ZNF704: variants seen among roughly 807,000 people sequenced by gnomAD.
The protein encoded by ZNF704 is glucocorticoid induced gene 1.
ZNF704 carries 10 observed loss-of-function variants against 44.7 expected under a neutral mutation model. The observed-to-expected ratio is 0.22, with a 90% CI of 0.14 to 0.38. The LOEUF is 0.38. ZNF704 is among the 10% of genes least tolerant of loss of function. The probability of loss-of-function intolerance (pLI) is 1.00; values close to 1 mark genes in which losing one functional copy is unlikely to be tolerated. For synonymous variants in ZNF704, 211 were observed against 207.6 expected, an observed-to-expected ratio of 1.02 and a Z score of -0.14; for missense variants, 390 against 545.5, an observed-to-expected ratio of 0.71 and a Z score of 2.84.
At chr8:80,706,066 C>T (rs1437195053) in intron 2 of ZNF704, among the ~76,000 whole-genome samples, 2 of 152,192 alleles carry the variant, frequency 1.3e-5, no homozygotes, top group Non-Finnish European at 2.9e-5. Context: ...TGCAGGTTAA[C>T]GATCCGCCTG....
intron 4 of ZNF704, among the ~76,000 whole-genome samples, chr8:80,685,461 A>G (rs185176089): frequency 5.3e-5 from 8 of 152,142 alleles, no homozygotes; most frequent in Admixed American, 2.6e-4. Flanking sequence ...CACTCAGAAA[A>G]CCCCAGGGAG....
chr8:80,802,959 CT>C (rs763057565), intron 2 of ZNF704, among the ~76,000 whole-genome samples: 12 of 152,142 alleles, frequency 7.9e-5, no homozygotes, highest in Non-Finnish European at 1.6e-4. Context: ...AGCCCAAAAG[CT>C]TCTCAAGCCA....
At chr8:80,712,356 G>T (rs1277782934) in intron 2 of ZNF704, among the ~76,000 whole-genome samples, 1 of 152,082 alleles carries the variant, frequency 6.6e-6, no homozygotes. Context: ...AAATACCCAG[G>T]TATTCTGTTA....
At chr8:80,789,356 A>G (rs910925246) in intron 2 of ZNF704, among the ~76,000 whole-genome samples, 3 of 152,200 alleles carry the variant, frequency 2.0e-5, no homozygotes, top group African/African-American at 7.2e-5. Flanking sequence ...ACATTGATAT[A>G]TCAGCAAAGA....
chr8:80,869,501 C>T (rs780899202), intron 1 of ZNF704, among the ~76,000 whole-genome samples: 39 of 152,324 alleles, frequency 2.6e-4, no homozygotes, highest in Middle Eastern at 3.4e-3. Flanking sequence ...CACATCTGGA[C>T]TCATATTCTC....
At chr8:80,645,207 G>A (rs1563502417) in intron 7 of ZNF704, 20 of 1,560,946 alleles carry the variant, frequency 1.3e-5, no homozygotes, top group South Asian at 3.5e-5. Flanking sequence ...GCCCCGCGCC[G>A]CCAACCTCCC....
intron 1 of ZNF704, among the ~76,000 whole-genome samples, chr8:80,825,750 C>T (rs1808360232): frequency 6.6e-6 from 1 of 152,140 alleles, no homozygotes; most frequent in African/African-American, 2.4e-5. Flanking sequence ...TGCAATCAAA[C>T]TAGAACTCAG....
chr8:80,656,570 T>G (rs921314290), intron 7 of ZNF704, among the ~76,000 whole-genome samples: 1 of 152,220 alleles, frequency 6.6e-6, no homozygotes, highest in Non-Finnish European at 1.5e-5. Context: ...CAGTTACATT[T>G]GTTAAATATG....
chr8:80,649,705 C>A (rs1817885529), intron 7 of ZNF704, among the ~76,000 whole-genome samples: 1 of 152,238 alleles, frequency 6.6e-6, no homozygotes, highest in South Asian at 2.1e-4. Context: ...CTCAAGGAGG[C>A]CTGCCTGCCT....
chr8:80,663,497 A>C (rs544434183), intron 6 of ZNF704, among the ~76,000 whole-genome samples: 1 of 152,250 alleles, frequency 6.6e-6, no homozygotes, highest in East Asian at 1.9e-4. Flanking sequence ...GGGCCTGTTA[A>C]AACAGAATGC....
chr8:80,730,960 T>C (rs112379021), intron 2 of ZNF704, among the ~76,000 whole-genome samples: 1 of 152,184 alleles, frequency 6.6e-6, no homozygotes, highest in East Asian at 1.9e-4. Flanking sequence ...TTATTTCAAA[T>C]TTATATTTGA....
chr8:80,744,246 T>C (rs953392622), intron 2 of ZNF704, among the ~76,000 whole-genome samples: 1 of 152,202 alleles, frequency 6.6e-6, no homozygotes, highest in African/African-American at 2.4e-5. Flanking sequence ...AAAATGTGGC[T>C]ACTGGAAAAC....
At chr8:80,737,769 C>T (rs948897347) in intron 2 of ZNF704, among the ~76,000 whole-genome samples, 1 of 152,094 alleles carries the variant, frequency 6.6e-6, no homozygotes, top group African/African-American at 2.4e-5. Context: ...ATACCCTTAA[C>T]ATGGTTTCAT....
intron 4 of ZNF704, among the ~76,000 whole-genome samples, chr8:80,674,282 T>C (rs1563514307): frequency 6.6e-6 from 1 of 152,192 alleles, no homozygotes; most frequent in Non-Finnish European, 1.5e-5. Context: ...TTCTGCAGAA[T>C]TCAAAATACT....
chr8:80,706,352 T>A (rs112291837), intron 2 of ZNF704, among the ~76,000 whole-genome samples: 1 of 148,994 alleles, frequency 6.7e-6, no homozygotes, highest in Admixed American at 6.7e-5. Flanking sequence ...TTTTCCCTAG[T>A]TTTTTTTTTA....
intron 1 of ZNF704, among the ~76,000 whole-genome samples, chr8:80,848,520 T>C (rs1563575634): frequency 1.3e-5 from 2 of 152,284 alleles, no homozygotes; most frequent in South Asian, 4.1e-4. Flanking sequence ...TTTCTTACAA[T>C]TGCAGGTGAA....
intron 1 of ZNF704, among the ~76,000 whole-genome samples, chr8:80,826,618 CA>C (rs1808381645): frequency 6.6e-6 from 1 of 152,002 alleles, no homozygotes; most frequent in Non-Finnish European, 1.5e-5. Context: ...AGAGACACAA[CA>C]AAAAAGGAGA....
chr8:80,740,024 T>C (rs954669019), intron 2 of ZNF704, among the ~76,000 whole-genome samples: 1 of 152,058 alleles, frequency 6.6e-6, no homozygotes, highest in African/African-American at 2.4e-5. Flanking sequence ...AGGTTAACTG[T>C]CTCCTGGATG....
At chr8:80,831,256 T>C (rs191242105) in intron 1 of ZNF704, among the ~76,000 whole-genome samples, 15 of 152,292 alleles carry the variant, frequency 9.8e-5, no homozygotes, top group African/African-American at 1.4e-4. Context: ...TCAGTCCCCA[T>C]TCAAGCCACA....
Sources: allele counts gnomAD v4.1 joint callset (sites outside exome capture counted in the v4.1 genomes callset), GRCh38; gene constraint gnomAD v4.1.1; transcripts MANE v1.5; gene names NCBI Gene and HGNC (gene_info 2026-07-23, HGNC 2026-07-21).